Variants in LPP observed in about 807,000 individuals in gnomAD.
LPP encodes lipoma-preferred partner.
Under a neutral mutation model 60.4 loss-of-function variants are expected in LPP, and 38 were observed. That is an observed-to-expected ratio of 0.63 (90% confidence interval 0.49 to 0.83). The LOEUF is 0.83. LPP is among the 40% of genes least tolerant of loss of function. The probability of loss-of-function intolerance (pLI) is 0.00; values close to 1 mark genes in which losing one functional copy is unlikely to be tolerated. For synonymous variants in LPP, 328 were observed against 290.8 expected (o/e 1.13, Z -1.30); for missense variants, 902 against 783.6 (o/e 1.15, Z -1.80).
At chr3:188,745,346 T>C (rs979393754) in intron 8 of LPP, among the ~76,000 whole-genome samples, 4 of 152,184 alleles carry the variant, frequency 2.6e-5, no homozygotes, top group African/African-American at 9.6e-5. Context: ...GTATTAAAGA[T>C]TGATAGGTGC....
At chr3:188,795,601 A>G (rs1233990175) in intron 9 of LPP, among the ~76,000 whole-genome samples, 1 of 152,190 alleles carries the variant, frequency 6.6e-6, no homozygotes, top group Non-Finnish European at 1.5e-5. Flanking sequence ...ACACAGTAAC[A>G]AAGAATGCTT....
chr3:188,333,451 C>T (rs1760713651), intron 2 of LPP, among the ~76,000 whole-genome samples: 1 of 152,176 alleles, frequency 6.6e-6, no homozygotes, highest in Admixed American at 6.6e-5. Context: ...TTTTGCCTCA[C>T]TGAGCTGCAG....
chr3:188,337,476 GA>G (rs1472021689), intron 2 of LPP, among the ~76,000 whole-genome samples: 1 of 152,142 alleles, frequency 6.6e-6, no homozygotes, highest in African/African-American at 2.4e-5. Flanking sequence ...TTCTACCCTA[GA>G]GAGAAGTTCC....
At position 188,379,057 on chromosome 3, in the gene LPP, A is replaced by T. The variant is rs140833841; in HGVS notation, c.-9-27055A>T. 7.7e-3 allele frequency among the ~76,000 whole-genome samples: 1,168 copies of T among 150,888 alleles called. 4 individuals carry two copies. The highest frequency in any genetic ancestry group is 0.012 in the Non-Finnish European group (796 of 67,814). ...GTGGGGCTGAAGTCCTGCCCTCCCC[A>T]CTAGCCAGGCCAAGATAAGGACCAT... On this transcript the variant is annotated intron_variant, in intron 3 of 11. Coordinates refer to ENST00000617246, the MANE Select transcript of LPP (RefSeq NM_001375462.1).
intron 3 of LPP, among the ~76,000 whole-genome samples, chr3:188,364,652 G>T (rs115698310): frequency 0.013 from 1,949 of 152,290 alleles, 43 homozygotes; most frequent in African/African-American, 0.044. Context: ...TCTGGAACCT[G>T]CACGCTCATT....
At chr3:188,643,298 A>G (rs1376181484) in intron 7 of LPP, among the ~76,000 whole-genome samples, 1 of 152,210 alleles carries the variant, frequency 6.6e-6, no homozygotes. Flanking sequence ...TCTTCTATTT[A>G]TAGACGAGTA....
At chr3:188,249,884 CATAT>C (rs71167082) in intron 2 of LPP, among the ~76,000 whole-genome samples, 1 of 117,240 alleles carries the variant, frequency 8.5e-6, no homozygotes, top group African/African-American at 3.7e-5. Context: ...TCCCCCACCC[CATAT>C]ATATATATAT....
intron 9 of LPP, among the ~76,000 whole-genome samples, chr3:188,842,532 A>T (rs942442000): frequency 6.6e-6 from 1 of 152,118 alleles, no homozygotes; most frequent in African/African-American, 2.4e-5. Flanking sequence ...GATCCCAATT[A>T]TGCATGTTTG....
intron 9 of LPP, among the ~76,000 whole-genome samples, chr3:188,837,007 ATTGTGTG>A (rs1388892346): frequency 6.6e-6 from 1 of 152,164 alleles, no homozygotes; most frequent in Non-Finnish European, 1.5e-5. Context: ...TCATCAAGAT[ATTGTGTG>A]TATATTCACA....
At chr3:188,242,889 G>A (rs544319176) in intron 2 of LPP, among the ~76,000 whole-genome samples, 48 of 152,284 alleles carry the variant, frequency 3.2e-4, no homozygotes, top group African/African-American at 1.2e-3. Flanking sequence ...ATGTAAGTTT[G>A]AGGCATTATG....
At chr3:188,160,241 C>T (rs1235406427) in intron 1 of LPP, among the ~76,000 whole-genome samples, 2 of 151,758 alleles carry the variant, frequency 1.3e-5, no homozygotes, top group African/African-American at 2.4e-5. Context: ...GTTGCCCAGG[C>T]TGTAGTGCAA....
chr3:188,359,688 G>A (rs990192073), intron 3 of LPP, among the ~76,000 whole-genome samples: 2 of 152,096 alleles, frequency 1.3e-5, no homozygotes, highest in African/African-American at 4.8e-5. Flanking sequence ...ATCCAGAGTG[G>A]CTTGCTGGTG....
intron 6 of LPP, among the ~76,000 whole-genome samples, chr3:188,607,909 CTT>C (rs1842841004): frequency 6.6e-6 from 1 of 152,078 alleles, no homozygotes; most frequent in Non-Finnish European, 1.5e-5. Flanking sequence ...TTTTTTGAGA[CTT>C]AAATGTCTGT....
chr3:188,673,542 G>C (rs2149281937), intron 7 of LPP, among the ~76,000 whole-genome samples: 1 of 152,222 alleles, frequency 6.6e-6, no homozygotes, highest in South Asian at 2.1e-4. Flanking sequence ...GTCTCTCTGA[G>C]ACTTTTAAAA....
At chr3:188,298,219 TG>T (rs2150116955) in intron 2 of LPP, among the ~76,000 whole-genome samples, 1 of 152,306 alleles carries the variant, frequency 6.6e-6, no homozygotes, top group Non-Finnish European at 1.5e-5. Context: ...TCCTCTTCTC[TG>T]GAAATCCTCG....
intron 8 of LPP, among the ~76,000 whole-genome samples, chr3:188,755,572 G>A (rs1176470042): frequency 1.3e-5 from 2 of 152,084 alleles, no homozygotes; most frequent in African/African-American, 4.8e-5. Flanking sequence ...AGGAGGCCAA[G>A]GTTGGAGGGT....
chr3:188,405,594 G>A (rs1045400837), intron 3 of LPP, among the ~76,000 whole-genome samples: 4 of 151,930 alleles, frequency 2.6e-5, no homozygotes, highest in African/African-American at 7.3e-5. Context: ...ACCAAGAAGT[G>A]AGCCTATCTT....
chr3:188,476,440 G>T (rs1803250650), intron 4 of LPP, among the ~76,000 whole-genome samples: 1 of 151,934 alleles, frequency 6.6e-6, no homozygotes, highest in Non-Finnish European at 1.5e-5. Flanking sequence ...ATGCTCCTCT[G>T]CATGTTAAGT....
At chr3:188,687,775 CT>C (rs61574227) in intron 7 of LPP, among the ~76,000 whole-genome samples, 2,024 of 127,096 alleles carry the variant, frequency 0.016, 24 homozygotes, top group African/African-American at 0.053. Flanking sequence ...GTCTTATACT[CT>C]TTTTTTTTTT....
Sources: gnomAD v4.1 joint callset for allele counts (sites outside exome capture counted in the v4.1 genomes callset) on GRCh38, gnomAD v4.1.1 for gene constraint, MANE v1.5 for transcripts, NCBI Gene and HGNC (gene_info 2026-07-23, HGNC 2026-07-21) for gene names.